The following ZNF621 variants were observed in gnomAD, a reference collection of about 807,000 sequenced individuals.
ZNF621 encodes zinc finger protein 621.
In ZNF621, 6 loss-of-function variants were observed where a neutral mutation model predicts 12.7. That is an observed-to-expected ratio of 0.47 (90% CI 0.26 to 0.93). ZNF621 has a LOEUF of 0.93. ZNF621 is among the 40% of genes least tolerant of loss of function. The probability of loss-of-function intolerance (pLI) is 0.15; values close to 1 mark genes in which losing one functional copy is unlikely to be tolerated. For missense variants in ZNF621, 474 were observed against 524.0 expected, an observed-to-expected ratio of 0.90 and a Z score of 0.93; for synonymous variants, 156 against 190.3, an observed-to-expected ratio of 0.82 and a Z score of 1.48.
At chr3:40,525,639 T>G in intron 1 of ZNF621, 140 bp from the exon 2 acceptor site, 1 of 690,508 alleles carries the variant, frequency 1.4e-6, no homozygotes, top group Non-Finnish European at 2.5e-6. Context: ...TTTGGGGCTA[T>G]CAGCGTGAGA....
At chr3:40,526,459 A>G (rs1289009311) in intron 2 of ZNF621, among the ~76,000 whole-genome samples, 2 of 152,258 alleles carry the variant, frequency 1.3e-5, no homozygotes, top group African/African-American at 4.8e-5. Flanking sequence ...GGCATGAGCC[A>G]CCGCACTAGC....
chr3:40,524,618 G>A (rs1698531145), upstream of ZNF621, among the ~76,000 whole-genome samples: 1 of 152,180 alleles, frequency 6.6e-6, no homozygotes, highest in African/African-American at 2.4e-5. Context: ...CACCTGCACG[G>A]CCCAGGCTTC....
chr3:40,526,232 A>T (rs1391936108), intron 2 of ZNF621, among the ~76,000 whole-genome samples: 1 of 152,184 alleles, frequency 6.6e-6, no homozygotes, highest in Admixed American at 6.5e-5. Context: ...TAGTGGCACT[A>T]TGATATCGGC....
chr3:40,527,015 T>TGTTG (rs1698599403), intron 2 of ZNF621, among the ~76,000 whole-genome samples: 1 of 151,830 alleles, frequency 6.6e-6, no homozygotes, highest in South Asian at 2.1e-4. Context: ...ACCTGTTTTT[T>TGTTG]GTTTGTTTGT....
chr3:40,534,451 T>G lies in ZNF621; in HGVS notation c.*1361T>G, dbSNP rs1698812344. On this transcript the variant is annotated 3_prime_UTR_variant, in exon 5 of 5. Transcript: ENST00000339296. The stretch of plus-strand genomic sequence containing the variant: ...TTAATGTAAACAGTAAGTCCTAAGC[T>G]TTGATGGAAGGGTCCATACATTTTT... 6.8e-6 allele frequency: 1 copy of G among 146,540 alleles called. No homozygotes were observed. Among genetic ancestry groups the G allele is most frequent in the Admixed American group, 6.9e-5 (1 of 14,528 alleles). 9.1% of individuals were successfully genotyped at this position (146,540 alleles called of 1,614,324 possible). A position where few individuals can be genotyped will look rare whatever the true frequency, so the allele number is the denominator to read the frequency against.
At position 40,531,181 on chromosome 3, in the gene ZNF621, G is replaced by A. The variant is rs749851767; in HGVS notation, c.260-849G>A. Among the ~76,000 whole-genome samples the A allele has an allele frequency of 5.1e-4, 77 of 152,252 alleles. 1 individual carries two copies. Among genetic ancestry groups the A allele is most frequent in the Non-Finnish European group, 8.8e-4 (60 of 68,016 alleles). On this transcript the variant is annotated intron_variant, in intron 4 of 4. Transcript: ENST00000339296. ...GGGATATTTAAATATAGGATAATTA[G>A]GACATTGTTTAGAATTTGGGGTGAT...
In ZNF621 at chr3:40,532,321, G is replaced by A. The variant is rs140375132; in HGVS notation, c.551G>A (p.Cys184Tyr). Residue 184 changes from cysteine (C) to tyrosine (Y), a missense_variant, in exon 5 of 5, where the codon TGT (cysteine) becomes TAT (tyrosine). Cys to Tyr is a radical substitution (Grantham distance 194). Transcript: ENST00000339296. ...TGEKPFKCKE[C>Y]GKAFKSSYDC... ...GAAAAGCCCTTTAAGTGTAAGGAGT[G>A]TGGCAAAGCTTTCAAGTCCAGCTAT... is the stretch of plus-strand genomic sequence containing the variant. The A allele has an allele frequency of 1.2e-6, 2 of 1,612,270 alleles. No individual in the cohort carries two copies. The highest frequency in any genetic ancestry group is 2.7e-5 in the African/African-American group (2 of 75,058).
Position 40,532,041 on chromosome 3 carries a change from T to C in ZNF621, c.271T>C (p.Trp91Arg), listed in dbSNP as rs777599441. 9 of 1,611,320 alleles carry C rather than the reference T, an allele frequency of 5.6e-6. No homozygotes were observed. The highest frequency in any genetic ancestry group is 7.6e-6 in the Non-Finnish European group (9 of 1,178,884). The change falls in exon 5 of 5, where the codon TGG (tryptophan) becomes CGG (arginine). Residue 91 changes from tryptophan (W) to arginine (R), a missense_variant. Trp to Arg is a moderately radical substitution (Grantham distance 101, BLOSUM62 -3). Transcript: ENST00000339296. ...GTTTCTTTGGTCAGGTGGTGAGTCC[T>C]GGATCAAAAATGAAGGGCTAGTTAT... ...LRGISQGGES[W>R]IKNEGLVIKQ...
At chr3:40,530,085 C>T (rs892525802) in intron 3 of ZNF621, 124 bp from the exon 4 acceptor site, 2 of 695,348 alleles carry the variant, frequency 2.9e-6, no homozygotes, top group Non-Finnish European at 4.9e-6. Flanking sequence ...TGTCAGAACT[C>T]TCACTTGGTC....
intron 4 of ZNF621, 56 bp downstream of exon 4, chr3:40,530,372 G>A: frequency 1.4e-6 from 2 of 1,408,072 alleles, no homozygotes; most frequent in South Asian, 1.2e-5. Flanking sequence ...GGTTTACTAG[G>A]TAAGAAGTGT....
At position 40,532,345 on chromosome 3, in the gene ZNF621, A is replaced by G. The variant is rs370015695; in HGVS notation, c.575A>G (p.Tyr192Cys). ...TGTGGCAAAGCTTTCAAGTCCAGCT[A>G]TGATTGTATTGTACATGAGAAAAAC... ...KECGKAFKSS[Y>C]DCIVHEKNHI... Residue 192 changes from tyrosine to cysteine, a missense_variant, in exon 5 of 5, where the codon TAT (tyrosine) becomes TGT (cysteine). By Grantham distance (194) the Tyr-to-Cys change is radical. Transcript: ENST00000339296. 5.6e-6 allele frequency: 9 copies of G among 1,611,290 alleles called. No individual in the cohort carries two copies. In the African/African-American group the frequency reaches 9.4e-5, roughly 17 times the overall value.
Position 40,530,196 on chromosome 3 carries a change from T to C in ZNF621, c.152-13T>C. ...GTCTCCCCTCAATTTGTCTTTCTCT[T>C]TTCTTCATGAAGTAGCGTTTCCATT... On this transcript the variant is annotated splice_polypyrimidine_tract_variant and intron_variant, in intron 3 of 4. Coordinates refer to ENST00000339296, the MANE Select transcript of ZNF621 (RefSeq NM_198484.5). 6.2e-7 allele frequency: 1 copy of C among 1,611,444 alleles called. No individual in the cohort carries two copies. Among genetic ancestry groups the C allele is most frequent in the East Asian group, 2.2e-5 (1 of 44,848 alleles).
At chr3:40,531,972 T>C in intron 4 of ZNF621, 58 bp from the exon 5 acceptor site, 1 of 1,473,838 alleles carries the variant, frequency 6.8e-7, no homozygotes, top group South Asian at 1.3e-5. Flanking sequence ...TTAGGAACAC[T>C]GGATCCTACT....
chr3:40,529,227 G>A, intron 2 of ZNF621, 92 bp from the exon 3 acceptor site: 1 of 1,467,406 alleles, frequency 6.8e-7, no homozygotes, highest in East Asian at 2.4e-5. Flanking sequence ...AGTTGTGGAT[G>A]CAGGCAGGTT....
chr3:40,535,720 A>T lies in ZNF621; in HGVS notation c.*2630A>T, dbSNP rs180777223. 1.3e-5 allele frequency: 2 copies of T among 152,288 alleles called. No individual in the cohort carries two copies. Among genetic ancestry groups the T allele is most frequent in the Non-Finnish European group, 2.9e-5 (2 of 68,028 alleles). The allele number at this position is 152,288 out of a possible 1,614,324, so 9.4% of individuals were successfully genotyped here. On this transcript the variant is annotated 3_prime_UTR_variant, in exon 5 of 5. Transcript: ENST00000339296. ...GGATTCTGCCTGGGAAGAGAGTCATAGTATGAAGAAGTCTGAAAATGGGGA... is the reference window on the plus strand; with the variant it reads ...GGATTCTGCCTGGGAAGAGAGTCATTGTATGAAGAAGTCTGAAAATGGGGA...
At chr3:40,527,742 G>T (rs1233308788) in intron 2 of ZNF621, among the ~76,000 whole-genome samples, 2 of 151,478 alleles carry the variant, frequency 1.3e-5, no homozygotes, top group African/African-American at 4.8e-5. Flanking sequence ...GTCTTTAAAA[G>T]AATGGAAATG....
upstream of ZNF621, among the ~76,000 whole-genome samples, chr3:40,523,663 G>A (rs1007616977): frequency 3.3e-5 from 5 of 152,150 alleles, no homozygotes; most frequent in Non-Finnish European, 4.4e-5. Flanking sequence ...CTACTCGGGA[G>A]GCTGAGGAAG....
chr3:40,537,601 A>C lies in ZNF621; in HGVS notation c.*4511A>C, dbSNP rs1418688988. On this transcript the variant is annotated 3_prime_UTR_variant, in exon 5 of 5. Transcript: ENST00000339296. The stretch of plus-strand genomic sequence containing the variant: ...CTGTGTGACAGAATGAAACCAAAAA[A>C]AGTGAAACAGCATTATTACTGATAT... The C allele has an allele frequency of 6.6e-6, 1 of 152,416 alleles. No homozygotes were observed. The highest frequency in any genetic ancestry group is 2.4e-5 in the African/African-American group (1 of 41,456). 9.4% of individuals were successfully genotyped at this position (152,416 alleles called of 1,614,324 possible). A position where few individuals can be genotyped will look rare whatever the true frequency, so the allele number is the denominator to read the frequency against.
At chr3:40,527,582 T>C (rs1228196040) in intron 2 of ZNF621, among the ~76,000 whole-genome samples, 1 of 152,176 alleles carries the variant, frequency 6.6e-6, no homozygotes. Flanking sequence ...TTATTTGTAG[T>C]TTTTATTTTC....
Sources: allele counts gnomAD v4.1 joint callset (sites outside exome capture counted in the v4.1 genomes callset), GRCh38; gene constraint gnomAD v4.1.1; transcripts MANE v1.5; gene names NCBI Gene and HGNC (gene_info 2026-07-23, HGNC 2026-07-21).